The following RYR1 variants were observed in gnomAD, a reference collection of about 807,000 sequenced individuals.
The protein encoded by RYR1 is ryanodine receptor 1.
RYR1 carries 342 observed loss-of-function variants against 583.5 expected under a neutral mutation model. The ratio of observed to expected loss-of-function variants is 0.59; its 90% CI spans 0.54 to 0.64. The LOEUF (loss-of-function observed/expected upper bound fraction) is 0.64, where lower values mean the gene tolerates loss of function less well. Ranked by LOEUF, RYR1 falls within the 30% of genes least tolerant of loss-of-function variation. The probability of loss-of-function intolerance (pLI) is 0.00; values close to 1 mark genes in which losing one functional copy is unlikely to be tolerated. For missense variants in RYR1, 6,032 were observed against 6,917.2 expected, an observed-to-expected ratio of 0.87 and a Z score of 4.54; for synonymous variants, 2,791 against 2,822.5, an observed-to-expected ratio of 0.99 and a Z score of 0.35.
At position 38,448,679 on chromosome 19, in the gene RYR1, G is replaced by A. The variant is rs150562985; in HGVS notation, c.988G>A (p.Val330Met). The A allele has an allele frequency of 1.9e-6, 3 of 1,614,146 alleles. No individual in the cohort carries two copies. In the African/African-American group the frequency reaches 4.0e-5, roughly 22 times the overall value. Reference protein sequence around the residue: ...EKLDVAPKRDVEGMGPPEIKY... With the variant: ...EKLDVAPKRDMEGMGPPEIKY... ...GCTGGATGTGGCCCCCAAGCGGGAT[G>A]TGGAGGGCATGGGCCCCCCTGAGAT... Residue 330 changes from valine (V) to methionine (M), a missense_variant, in exon 11 of 106, where the codon GTG becomes ATG. Around this residue, in one of 11 missense-constraint regions of RYR1, gnomAD observed 338 missense variants for 441.6 expected, o/e 0.77. Coordinates refer to ENST00000359596, the MANE Select transcript of RYR1 (RefSeq NM_000540.3).
intron 66 of RYR1, among the ~76,000 whole-genome samples, chr19:38,518,657 A>C (rs982911157): frequency 6.6e-6 from 1 of 152,042 alleles, no homozygotes. Context: ...GGCCAGGTGC[A>C]GTGGCTCACG....
In RYR1 at chr19:38,457,495, A is replaced by G; in HGVS notation, c.1792-2A>G. ...CCTTTAACCTCTGACCTTGACCTCT[A>G]GGTCCTGGACGTGCTATGCTCCCTG... On this transcript the variant is annotated splice_acceptor_variant, in intron 16 of 105. Coordinates refer to ENST00000359596, the MANE Select transcript of RYR1 (RefSeq NM_000540.3). LOFTEE classifies it high-confidence loss of function. 1 of 1,613,946 alleles carries G rather than the reference A, an allele frequency of 6.2e-7. No homozygotes were observed. Among genetic ancestry groups the G allele is most frequent in the Non-Finnish European group, 8.5e-7 (1 of 1,179,994 alleles).
chr19:38,584,304 C>A (rs1257843108), intron 101 of RYR1, among the ~76,000 whole-genome samples: 3 of 108,292 alleles, frequency 2.8e-5, no homozygotes, highest in South Asian at 4.1e-4. Flanking sequence ...TGCCCCCCCC[C>A]ACCCATCCCG....
At chr19:38,550,433 G>A (rs999123969) in intron 89 of RYR1, among the ~76,000 whole-genome samples, 1 of 152,124 alleles carries the variant, frequency 6.6e-6, no homozygotes, top group Non-Finnish European at 1.5e-5. Flanking sequence ...TCTTTTGCAG[G>A]AATATCAGAG....
intron 92 of RYR1, 98 bp downstream of exon 92, chr19:38,567,085 CCT>C: frequency 6.5e-7 from 1 of 1,534,514 alleles, no homozygotes. Context: ...TCCTGGCCAC[CCT>C]GTGTCCTCGG....
In RYR1 at chr19:38,466,373, C is replaced by T. The variant is rs915828603; in HGVS notation, c.3153C>T (p.Asn1051=). The part of the protein sequence containing the change: ...AVRTLLGYGY[N]IEPPDQEPSQ... Reference sequence around the variant, plus strand: ...GCACCCTCCTGGGCTACGGCTACAACATCGAGCCTCCTGACCAGGAGCCCA... The same window carrying T: ...GCACCCTCCTGGGCTACGGCTACAATATCGAGCCTCCTGACCAGGAGCCCA... The change falls in exon 24 of 106, where the codon AAC becomes AAT. Residue 1051 remains asparagine (N), a synonymous_variant. Transcript: ENST00000359596. The T allele has an allele frequency of 4.5e-6, 7 of 1,558,100 alleles. No individual in the cohort carries two copies. The Admixed American group carries it at 1.3e-4, about 30-fold the overall frequency.
intron 42 of RYR1, among the ~76,000 whole-genome samples, 187 bp downstream of exon 42, chr19:38,497,141 T>C (rs1263251395): frequency 6.6e-6 from 1 of 152,192 alleles, no homozygotes; most frequent in Non-Finnish European, 1.5e-5. Context: ...GGATGCTTCC[T>C]GGCTGTGGGC....
chr19:38,557,051 CTT>C (rs35027525), intron 89 of RYR1, among the ~76,000 whole-genome samples: 5 of 108,834 alleles, frequency 4.6e-5, no homozygotes, highest in Middle Eastern at 6.1e-3. Flanking sequence ...AGTCTCATTT[CTT>C]TTTTTTTTTT....
chr19:38,515,012 CCT>C lies in RYR1; in HGVS notation c.9473-13_9473-12del, dbSNP rs1491422894. ...GTGAGCGCATGCCGCAGCCTCGCCC[CCT>C]GTCTCCCTCAGTGGACGACGTCCAG... On this transcript the variant is annotated splice_polypyrimidine_tract_variant and intron_variant, in intron 63 of 105. Transcript: ENST00000359596. 7.0e-5 allele frequency: 112 copies of C among 1,605,438 alleles called. 1 individual carries two copies. The highest frequency in any genetic ancestry group is 7.0e-4 in the African/African-American group (52 of 74,790).
chr19:38,434,077 C>T (rs1972318862), intron 1 of RYR1, among the ~76,000 whole-genome samples: 1 of 152,064 alleles, frequency 6.6e-6, no homozygotes, highest in Non-Finnish European at 1.5e-5. Context: ...TTGGGGACTC[C>T]AGAATGGGAA....
Position 38,455,342 on chromosome 19 carries a change from G to C in RYR1, c.1548G>C (p.Glu516Asp), listed in dbSNP as rs757010549. The C allele has an allele frequency of 6.2e-7, 1 of 1,614,126 alleles. No homozygotes were observed. The highest frequency in any genetic ancestry group is 8.5e-7 in the Non-Finnish European group (1 of 1,180,004). The change falls in exon 14 of 106, where the codon GAG becomes GAC. Residue 516 changes from glutamate (E) to aspartate (D), a missense_variant. This residue lies in a region of RYR1 where 2,627 missense variants were observed against 2,961.3 expected (regional missense o/e 0.89). Coordinates refer to ENST00000359596, the MANE Select transcript of RYR1 (RefSeq NM_000540.3). ...AGEEAAESWK[E>D]IVNLLYELLA... ...AGGAGGCAGCCGAGTCCTGGAAAGA[G>C]ATTGTGAATCTTCTCTATGAACTCC... is the stretch of plus-strand genomic sequence containing the variant.
chr19:38,453,165 G>A, intron 13 of RYR1, 151 bp downstream of exon 13: 1 of 769,394 alleles, frequency 1.3e-6, no homozygotes, highest in Non-Finnish European at 2.1e-6. Context: ...GAGCCGGACA[G>A]GAACCCCAGC....
chr19:38,517,814 T>C, intron 66 of RYR1, 123 bp downstream of exon 66: 1 of 942,880 alleles, frequency 1.1e-6, no homozygotes, highest in South Asian at 1.6e-5. Flanking sequence ...GTAGGTTTTT[T>C]CAGCATCAAA....
At chr19:38,567,532 C>G (rs1411136134) in intron 92 of RYR1, among the ~76,000 whole-genome samples, 2 of 152,064 alleles carry the variant, frequency 1.3e-5, no homozygotes, top group Non-Finnish European at 2.9e-5. Flanking sequence ...CCTGAGCTTC[C>G]TCCATCCCAG....
chr19:38,464,965 C>G (rs981121061), intron 23 of RYR1, among the ~76,000 whole-genome samples: 1 of 152,072 alleles, frequency 6.6e-6, no homozygotes, highest in South Asian at 2.1e-4. Context: ...GGCTCAGGGT[C>G]TGCCTAGAGT....
rs745559174 is a variant in RYR1, at chr19:38,532,552, AC to A, written c.11193+17del. 9 of 1,613,574 alleles carry A rather than the reference AC, an allele frequency of 5.6e-6. No individual in the cohort carries two copies. Among genetic ancestry groups the A allele is most frequent in the Admixed American group, 5.0e-5 (3 of 59,932 alleles). On this transcript the variant is annotated intron_variant, in intron 77 of 105. Transcript: ENST00000359596. ...GATATCATGGCAAAGGTGAGGCCCT[AC>A]CCCCCTCTTCTGGGGCAGATTTCCC...
rs1820530529 is a variant in RYR1, at chr19:38,561,663, T to G, written c.12624+209T>G. 6.6e-6 allele frequency among the ~76,000 whole-genome samples: 1 copy of G among 152,192 alleles called. No homozygotes were observed. Among genetic ancestry groups the G allele is most frequent in the Admixed American group, 6.5e-5 (1 of 15,278 alleles). On this transcript the variant is annotated intron_variant, in intron 90 of 105. Coordinates refer to ENST00000359596, the MANE Select transcript of RYR1 (RefSeq NM_000540.3). This position sits in a 1 kb window ranked among gnomAD's most constrained non-coding sequence, Gnocchi z 4.8. ...CGCCCCTGGCCACTTCTTGCGGACC[T>G]GGCCCACACAAGGATGCACACCCCT...
chr19:38,577,158 T>G (rs1266197921), intron 97 of RYR1, among the ~76,000 whole-genome samples: 1 of 152,010 alleles, frequency 6.6e-6, no homozygotes, highest in Non-Finnish European at 1.5e-5. Context: ...AGTGCTGGGA[T>G]TACAGGCACG....
Position 38,532,918 on chromosome 19 carries a change from G to A in RYR1, c.11259+182G>A, listed in dbSNP as rs537703837. Among the ~76,000 whole-genome samples the A allele has an allele frequency of 2.8e-3, 432 of 152,240 alleles. 2 individuals are homozygous for A. Among genetic ancestry groups the A allele is most frequent in the African/African-American group, 9.9e-3 (413 of 41,528 alleles). On this transcript the variant is annotated intron_variant, in intron 78 of 105. Coordinates refer to ENST00000359596, the MANE Select transcript of RYR1 (RefSeq NM_000540.3). ...ACCACGGAGTGTACACCATGGTCATGGGGGAAGCTCAGGCAGAGGGGTCAG... is the reference window on the plus strand; with the variant it reads ...ACCACGGAGTGTACACCATGGTCATAGGGGAAGCTCAGGCAGAGGGGTCAG...
Sources: gnomAD v4.1 joint callset for allele counts (sites outside exome capture counted in the v4.1 genomes callset) on GRCh38, gnomAD v4.1.1 for gene constraint, gnomAD v4.1.1 regional missense constraint, Gnocchi (gnomAD v3.1) non-coding constraint, MANE v1.5 for transcripts, NCBI Gene and HGNC (gene_info 2026-07-23, HGNC 2026-07-21) for gene names.